Variants in MBOAT2 observed in about 807,000 individuals in gnomAD.
MBOAT2 encodes the protein membrane bound glycerophospholipid O-acyltransferase 2.
A neutral mutation model predicts 63.4 loss-of-function variants in MBOAT2; 28 were observed. The ratio of observed to expected loss-of-function variants is 0.44; its 90% CI spans 0.33 to 0.61. The LOEUF (loss-of-function observed/expected upper bound fraction) is 0.61, where lower values mean the gene tolerates loss of function less well. Among genes scored for constraint, MBOAT2 ranks in the 20% least tolerant of loss-of-function variants. The probability of loss-of-function intolerance (pLI) is 0.03; values close to 1 mark genes in which losing one functional copy is unlikely to be tolerated. For synonymous variants in MBOAT2, 211 were observed against 215.6 expected, an observed-to-expected ratio of 0.98 and a Z score of 0.19; for missense variants, 470 against 605.8, an observed-to-expected ratio of 0.78 and a Z score of 2.35.
chr2:8,868,743 A>G (rs10194739), intron 8 of MBOAT2, among the ~76,000 whole-genome samples, 194 bp from the exon 9 acceptor site: 6,767 of 152,252 alleles, frequency 0.044, 272 homozygotes, highest in African/African-American at 0.1. Flanking sequence ...TCAGTAATAC[A>G]TGAGACATCA....
chr2:8,962,791 T>G (rs1669704064), intron 1 of MBOAT2, among the ~76,000 whole-genome samples: 1 of 151,780 alleles, frequency 6.6e-6, no homozygotes, highest in African/African-American at 2.4e-5. Flanking sequence ...AATTAAAAAC[T>G]TCTACAAAAC....
intron 4 of MBOAT2, among the ~76,000 whole-genome samples, chr2:8,897,177 CTT>C (rs1281415820): frequency 1.3e-5 from 2 of 150,468 alleles, no homozygotes; most frequent in African/African-American, 2.5e-5. Flanking sequence ...TTCTGTGTCT[CTT>C]TCTCTCTTTT....
chr2:8,921,273 A>G (rs1215053029), intron 3 of MBOAT2, among the ~76,000 whole-genome samples: 1 of 152,164 alleles, frequency 6.6e-6, no homozygotes, highest in Non-Finnish European at 1.5e-5. Context: ...AGGAATTACT[A>G]TGTGTCTCAT....
At chr2:8,958,476 A>C in intron 2 of MBOAT2, 21 bp downstream of exon 2, 1 of 1,555,250 alleles carries the variant, frequency 6.4e-7, no homozygotes, top group Non-Finnish European at 8.7e-7. Context: ...TCATTTTAAA[A>C]GGATCAAAAT....
intron 3 of MBOAT2, among the ~76,000 whole-genome samples, chr2:8,920,766 T>A (rs1019672573): frequency 1.3e-5 from 2 of 152,224 alleles, no homozygotes; most frequent in Non-Finnish European, 2.9e-5. Flanking sequence ...ATTTTATTCT[T>A]TTTGATGCTG....
intron 5 of MBOAT2, among the ~76,000 whole-genome samples, chr2:8,885,160 A>C (rs566784471): frequency 3.3e-5 from 5 of 152,378 alleles, no homozygotes; most frequent in African/African-American, 1.2e-4. Context: ...ATGTATGAAT[A>C]GGTAAAAGAA....
chr2:8,978,194 G>A (rs999193665), intron 1 of MBOAT2, among the ~76,000 whole-genome samples: 1 of 151,994 alleles, frequency 6.6e-6, no homozygotes, highest in African/African-American at 2.4e-5. Flanking sequence ...TCTCTCACTG[G>A]CTATATTCCA....
chr2:8,988,874 A>T (rs188920691), intron 1 of MBOAT2, among the ~76,000 whole-genome samples: 1 of 152,234 alleles, frequency 6.6e-6, no homozygotes, highest in South Asian at 2.1e-4. Context: ...TGAATCATAC[A>T]CAATAAAATA....
At chr2:8,870,836 G>A (rs1662262245) in intron 8 of MBOAT2, among the ~76,000 whole-genome samples, 2 of 152,010 alleles carry the variant, frequency 1.3e-5, no homozygotes, top group Non-Finnish European at 2.9e-5. Context: ...ATTTCTTTAA[G>A]GAAGAATCAG....
intron 3 of MBOAT2, among the ~76,000 whole-genome samples, chr2:8,926,752 C>T (rs995557268): frequency 3.9e-5 from 6 of 152,194 alleles, no homozygotes; most frequent in African/African-American, 1.2e-4. Context: ...CAAAGCACAG[C>T]ACAGACCAGA....
rs192047355 is a variant in MBOAT2, at chr2:8,946,649, A to C, written c.222-3385T>G. On this transcript the variant is annotated intron_variant, in intron 2 of 12. Transcript: ENST00000305997. ...TTTGGTAATTCTCAACAATATTTCAAACTTTTTCAATATTATTTTACCTGT... is the reference window on the plus strand; with the variant it reads ...TTTGGTAATTCTCAACAATATTTCACACTTTTTCAATATTATTTTACCTGT... 2.6e-5 allele frequency among the ~76,000 whole-genome samples: 4 copies of C among 152,296 alleles called. No homozygotes were observed. In the East Asian group the frequency reaches 7.7e-4, roughly 29 times the overall value.
intron 2 of MBOAT2, among the ~76,000 whole-genome samples, chr2:8,956,535 T>C (rs1669237051): frequency 6.6e-6 from 1 of 152,008 alleles, no homozygotes; most frequent in African/African-American, 2.4e-5. Flanking sequence ...ACTCCACCTC[T>C]ACAAAAAATT....
intron 1 of MBOAT2, among the ~76,000 whole-genome samples, chr2:8,968,123 AC>A (rs1553375892): frequency 6.6e-6 from 1 of 151,732 alleles, no homozygotes; most frequent in African/African-American, 2.4e-5. Flanking sequence ...ACTGGGAGGC[AC>A]CCCCCAGTAG....
intron 7 of MBOAT2, among the ~76,000 whole-genome samples, chr2:8,874,997 C>T (rs142607293): frequency 4.6e-5 from 7 of 152,316 alleles, no homozygotes; most frequent in African/African-American, 1.7e-4. Context: ...TGAGCTGTCC[C>T]ACATATAACA....
chr2:8,860,270 A>C (rs1661403088), intron 12 of MBOAT2, among the ~76,000 whole-genome samples: 1 of 152,152 alleles, frequency 6.6e-6, no homozygotes, highest in Non-Finnish European at 1.5e-5. Context: ...TAAGCTAACA[A>C]GTTTTTTGTT....
chr2:8,983,601 C>T (rs1671350641), intron 1 of MBOAT2, among the ~76,000 whole-genome samples: 1 of 152,170 alleles, frequency 6.6e-6, no homozygotes, highest in Admixed American at 6.5e-5. Flanking sequence ...TAAATGCAAC[C>T]TATGATTCCA....
chr2:8,946,263 C>T (rs1021639846), intron 2 of MBOAT2, among the ~76,000 whole-genome samples: 1 of 152,166 alleles, frequency 6.6e-6, no homozygotes, highest in Non-Finnish European at 1.5e-5. Context: ...GTCATACAGC[C>T]ACCAGACCAA....
chr2:8,989,298 T>C (rs1671768561), intron 1 of MBOAT2, among the ~76,000 whole-genome samples: 3 of 152,244 alleles, frequency 2.0e-5, no homozygotes, highest in South Asian at 2.1e-4. Flanking sequence ...ATGAGTCTAC[T>C]GCGTCTGAAG....
chr2:8,916,659 G>C (rs954583313), intron 3 of MBOAT2, among the ~76,000 whole-genome samples: 3 of 152,216 alleles, frequency 2.0e-5, no homozygotes, highest in African/African-American at 7.2e-5. Context: ...ACTAACAAAT[G>C]AGTGTTTGTT....
Sources: gnomAD v4.1 joint callset for allele counts (sites outside exome capture counted in the v4.1 genomes callset) on GRCh38, gnomAD v4.1.1 for gene constraint, MANE v1.5 for transcripts, NCBI Gene and HGNC (gene_info 2026-07-23, HGNC 2026-07-21) for gene names.